TNFRSF9: variants seen among roughly 807,000 people sequenced by gnomAD.
TNFRSF9 encodes the protein tumor necrosis factor receptor superfamily member 9.
In TNFRSF9, 16 loss-of-function variants were observed where a neutral mutation model predicts 28.8. That is an observed-to-expected ratio of 0.55 (90% CI 0.38 to 0.84). The LOEUF is 0.84. TNFRSF9 is among the 40% of genes least tolerant of loss of function. The pLI is 0.00. For missense variants in TNFRSF9, 303 were observed against 315.0 expected (o/e 0.96, Z 0.29); for synonymous variants, 131 against 117.0 (o/e 1.12, Z -0.77).
At chr1:7,940,386 C>T (rs1174182649) in intron 1 of TNFRSF9, among the ~76,000 whole-genome samples, 1 of 152,170 alleles carries the variant, frequency 6.6e-6, no homozygotes, top group African/African-American at 2.4e-5. Flanking sequence ...GCAGTACCAA[C>T]CAGCAATAAT....
intron 7 of TNFRSF9, among the ~76,000 whole-genome samples, chr1:7,930,456 G>A (rs1314640985): frequency 6.6e-6 from 1 of 152,154 alleles, no homozygotes; most frequent in African/African-American, 2.4e-5. Context: ...GCAGTCTGGG[G>A]TGTGGATGGA....
intron 7 of TNFRSF9, among the ~76,000 whole-genome samples, chr1:7,926,662 C>G (rs1639660378): frequency 6.6e-6 from 1 of 152,130 alleles, no homozygotes; most frequent in Admixed American, 6.6e-5. Context: ...GACTACCACC[C>G]TCTACCCAAT....
chr1:7,937,825 G>A, intron 4 of TNFRSF9, 69 bp from the exon 5 acceptor site: 1 of 1,371,356 alleles, frequency 7.3e-7, no homozygotes, highest in Non-Finnish European at 1.0e-6. Context: ...TTCCTGTGAT[G>A]AACTTAATAT....
At chr1:7,923,964 G>A (rs12075756) in intron 7 of TNFRSF9, among the ~76,000 whole-genome samples, 6,920 of 152,226 alleles carry the variant, frequency 0.045, 558 homozygotes, top group African/African-American at 0.16. Context: ...GACATACTAT[G>A]TTCCTGCATT....
At position 7,933,307 on chromosome 1, in the gene TNFRSF9, C is replaced by T. The variant is rs750945041; in HGVS notation, c.545-11G>A. On this transcript the variant is annotated splice_polypyrimidine_tract_variant and intron_variant, in intron 6 of 7. Coordinates refer to ENST00000377507, the MANE Select transcript of TNFRSF9 (RefSeq NM_001561.6). ...TCTGCGGAGAGTGTCCTGCAAAACA[C>T]AGCAAAAGGAGAAACGCATGCAGAA... 1 of 1,609,884 alleles carries T rather than the reference C, an allele frequency of 6.2e-7. No individual in the cohort carries two copies. Among genetic ancestry groups the T allele is most frequent in the Non-Finnish European group, 8.5e-7 (1 of 1,178,350 alleles).
chr1:7,933,676 C>T (rs888634993), intron 6 of TNFRSF9, among the ~76,000 whole-genome samples: 1 of 151,510 alleles, frequency 6.6e-6, no homozygotes, highest in African/African-American at 2.4e-5. Flanking sequence ...ACCTGGGCAA[C>T]AGAGTGAGAC....
At chr1:7,939,771 T>A (rs1429463702) in intron 2 of TNFRSF9, 124 bp downstream of exon 2, 5 of 681,428 alleles carry the variant, frequency 7.3e-6, no homozygotes, top group Non-Finnish European at 9.7e-6. Flanking sequence ...CAATAAACAT[T>A]TGTAAATGAA....
At chr1:7,922,438 T>C (rs1639574319) in intron 7 of TNFRSF9, among the ~76,000 whole-genome samples, 1 of 152,188 alleles carries the variant, frequency 6.6e-6, no homozygotes, top group Non-Finnish European at 1.5e-5. Flanking sequence ...AATGGGTTTC[T>C]TTCTGCCTCA....
Position 7,917,176 on chromosome 1 carries a change from C to T in TNFRSF9, c.*3659G>A, listed in dbSNP as rs1639491312. The T allele has an allele frequency of 6.6e-6, 1 of 152,266 alleles. No homozygotes were observed. The highest frequency in any genetic ancestry group is 2.1e-4 in the South Asian group (1 of 4,828). 9.4% of individuals were successfully genotyped at this position (152,266 alleles called of 1,614,324 possible). A position where few individuals can be genotyped will look rare whatever the true frequency, so the allele number is the denominator to read the frequency against. ...AAACTCCTGACCTCAGGTGATCCAT[C>T]CGCGTCGGCCTCCCAAAGTGCTGGG... On this transcript the variant is annotated 3_prime_UTR_variant, in exon 8 of 8. Coordinates refer to ENST00000377507, the MANE Select transcript of TNFRSF9 (RefSeq NM_001561.6).
rs771471103 is a variant in TNFRSF9 at position 7,920,850 on chromosome 1, T to A, written c.753A>T (p.Gly251=). The change falls in exon 8 of 8, where the codon GGA becomes GGT. Residue 251 remains glycine, a synonymous_variant. Coordinates refer to ENST00000377507, the MANE Select transcript of TNFRSF9 (RefSeq NM_001561.6). ...GACTTCCATTTCACAGTTCACATCC[T>A]CCTTCTTCTTCTTCTGGAAATCGGC... ...CSCRFPEEEE[G]GCEL 6.2e-7 allele frequency: 1 copy of A among 1,613,864 alleles called. No homozygotes were observed. The highest frequency in any genetic ancestry group is 1.1e-5 in the South Asian group (1 of 91,078).
rs1054877671 is a variant in TNFRSF9, at chr1:7,916,678, G to C, written c.*4157C>G. 1.3e-5 allele frequency: 2 copies of C among 152,060 alleles called. No individual in the cohort carries two copies. The highest frequency in any genetic ancestry group is 4.8e-5 in the African/African-American group (2 of 41,410). 9.4% of individuals were successfully genotyped at this position (152,060 alleles called of 1,614,324 possible). A position where few individuals can be genotyped will look rare whatever the true frequency, so the allele number is the denominator to read the frequency against. ...ATGATTCAGAAAGACAAAAATATTC[G>C]CACCTAGCTTTGTTCCTGAAATGGC... On this transcript the variant is annotated 3_prime_UTR_variant, in exon 8 of 8. Coordinates refer to ENST00000377507, the MANE Select transcript of TNFRSF9 (RefSeq NM_001561.6).
In TNFRSF9 at chr1:7,917,141, G is replaced by C. The variant is rs1190309208; in HGVS notation, c.*3694C>G. On this transcript the variant is annotated 3_prime_UTR_variant, in exon 8 of 8. Coordinates refer to ENST00000377507, the MANE Select transcript of TNFRSF9 (RefSeq NM_001561.6). ...AGATGGGGTTTCACCATGTTGGCCA[G>C]GCTGTCTCAAAACTCCTGACCTCAG... The C allele has an allele frequency of 6.6e-6, 1 of 152,154 alleles. No individual in the cohort carries two copies. Among genetic ancestry groups the C allele is most frequent in the African/African-American group, 2.4e-5 (1 of 41,396 alleles). The allele number at this position is 152,154 out of a possible 1,614,324, so 9.4% of individuals were successfully genotyped here.
chr1:7,930,411 A>C (rs1375113240), intron 7 of TNFRSF9, among the ~76,000 whole-genome samples: 1 of 152,198 alleles, frequency 6.6e-6, no homozygotes, highest in Non-Finnish European at 1.5e-5. Flanking sequence ...TTACTCATAA[A>C]TACTTTTGAA....
Position 7,940,039 on chromosome 1 carries a change from G to A in TNFRSF9, c.-45C>T, listed in dbSNP as rs766695000. ...ATGATACTAGCAAAGCTGATTCCAA[G>A]AGAATTTTAATCAAATTAGCTGGTC... On this transcript the variant is annotated 5_prime_UTR_variant, in exon 2 of 8. Coordinates refer to ENST00000377507, the MANE Select transcript of TNFRSF9 (RefSeq NM_001561.6). 2.4e-5 allele frequency: 34 copies of A among 1,396,314 alleles called. No individual in the cohort carries two copies. The highest frequency in any genetic ancestry group is 3.1e-5 in the Non-Finnish European group (31 of 994,664). The allele number at this position is 1,396,314 out of a possible 1,614,324, so 86.5% of individuals were successfully genotyped here. A position where few individuals can be genotyped will look rare whatever the true frequency, so the allele number is the denominator to read the frequency against.
Position 7,920,663 on chromosome 1 carries a change from A to T in TNFRSF9, c.*172T>A. The T allele has an allele frequency of 3.6e-6, 2 of 560,510 alleles. No individual in the cohort carries two copies. The highest frequency in any genetic ancestry group is 6.4e-6 in the Non-Finnish European group (2 of 313,232). The allele number at this position is 560,510 out of a possible 1,614,324, so 34.7% of individuals were successfully genotyped here. ...GAGACCCTGTCAAAAAAAAAAAAAA[A>T]GTGGTGCATTTTTAAAGGCCAACTC... is the stretch of plus-strand genomic sequence containing the variant. On this transcript the variant is annotated 3_prime_UTR_variant, in exon 8 of 8. Transcript: ENST00000377507.
At chr1:7,932,503 G>A (rs1366401747) in intron 7 of TNFRSF9, among the ~76,000 whole-genome samples, 1 of 152,196 alleles carries the variant, frequency 6.6e-6, no homozygotes, top group South Asian at 2.1e-4. Flanking sequence ...TACTGGTGCT[G>A]TAATAATTCA....
intron 7 of TNFRSF9, among the ~76,000 whole-genome samples, chr1:7,923,622 G>C (rs1435020212): frequency 6.6e-6 from 1 of 152,202 alleles, no homozygotes; most frequent in East Asian, 1.9e-4. Context: ...AGGATCGCTT[G>C]AGTCCAGGAG....
At position 7,918,724 on chromosome 1, in the gene TNFRSF9, A is replaced by T. The variant is rs1318025317; in HGVS notation, c.*2111T>A. ...GAGCAAGCATTTTATTTAAAAAAATAAACACAAATGGTATATAAATATTTG... is the reference window on the plus strand; with the variant it reads ...GAGCAAGCATTTTATTTAAAAAAATTAACACAAATGGTATATAAATATTTG... On this transcript the variant is annotated 3_prime_UTR_variant, in exon 8 of 8. Transcript: ENST00000377507. 3 of 152,200 alleles carry T rather than the reference A, an allele frequency of 2.0e-5. No individual in the cohort carries two copies. Among genetic ancestry groups the T allele is most frequent in the Non-Finnish European group, 1.5e-5 (1 of 68,048 alleles). The allele number at this position is 152,200 out of a possible 1,614,324, so 9.4% of individuals were successfully genotyped here. A position where few individuals can be genotyped will look rare whatever the true frequency, so the allele number is the denominator to read the frequency against.
At chr1:7,940,134 T>C (rs1369276544) in intron 1 of TNFRSF9, 56 bp from the exon 2 acceptor site, 3 of 565,826 alleles carry the variant, frequency 5.3e-6, no homozygotes, top group African/African-American at 3.7e-5. Context: ...AAATTATCTA[T>C]ATTGCAATCA....
Sources: allele counts gnomAD v4.1 joint callset (sites outside exome capture counted in the v4.1 genomes callset), GRCh38; gene constraint gnomAD v4.1.1; transcripts MANE v1.5; gene names NCBI Gene and HGNC (gene_info 2026-07-23, HGNC 2026-07-21).